Variants in FOCAD observed in about 807,000 individuals in gnomAD.
FOCAD encodes KIAA1797.
Under a neutral mutation model 225.6 loss-of-function variants are expected in FOCAD, and 198 were observed. The observed-to-expected ratio is 0.88, with a 90% confidence interval of 0.78 to 0.99. FOCAD has a LOEUF of 0.99. Ranked by LOEUF, FOCAD falls within the 50% of genes least tolerant of loss-of-function variation. FOCAD has a pLI of 0.00. For missense variants in FOCAD, 2,713 were observed against 2,123.6 expected, an observed-to-expected ratio of 1.28 and a Z score of -5.46; for synonymous variants, 897 against 755.0, an observed-to-expected ratio of 1.19 and a Z score of -3.08.
chr9:20,798,512 C>A (rs1286691427), intron 11 of FOCAD, among the ~76,000 whole-genome samples: 2 of 152,186 alleles, frequency 1.3e-5, no homozygotes, highest in African/African-American at 4.8e-5. Context: ...TTAATTATTT[C>A]CTCAATTTCA....
intron 18 of FOCAD, among the ~76,000 whole-genome samples, chr9:20,868,428 AT>A (rs967498651): frequency 4.0e-5 from 6 of 151,822 alleles, no homozygotes; most frequent in Admixed American, 2.6e-4. Context: ...ACATGCTTAT[AT>A]TTTTTTTCTG....
chr9:20,855,005 A>G (rs527794062), intron 15 of FOCAD, among the ~76,000 whole-genome samples: 1 of 151,950 alleles, frequency 6.6e-6, no homozygotes, highest in African/African-American at 2.4e-5. Context: ...GTTAAACTTG[A>G]ATGTGCTTTA....
At chr9:20,879,810 C>T (rs754798641) in intron 19 of FOCAD, among the ~76,000 whole-genome samples, 3 of 152,142 alleles carry the variant, frequency 2.0e-5, no homozygotes, top group Non-Finnish European at 4.4e-5. Context: ...AATCCCTGGG[C>T]TGGTGTTAGG....
In FOCAD at chr9:20,898,227, A is replaced by T. The variant is rs938190337; in HGVS notation, c.2626-8923A>T. On this transcript the variant is annotated intron_variant, in intron 21 of 43. Coordinates refer to ENST00000338382, the MANE Select transcript of FOCAD (RefSeq NM_001375567.1). Reference sequence around the variant, plus strand: ...AAATACCTATAGGTTTTTGGCATTTATCCTACCTGGTGTTGTCTGAGCCTC... The same window carrying T: ...AAATACCTATAGGTTTTTGGCATTTTTCCTACCTGGTGTTGTCTGAGCCTC... 3.3e-5 allele frequency among the ~76,000 whole-genome samples: 5 copies of T among 151,898 alleles called. No individual in the cohort carries two copies. In the South Asian group the frequency reaches 1.0e-3, roughly 31 times the overall value.
chr9:20,792,722 C>T (rs1338628262), intron 11 of FOCAD, among the ~76,000 whole-genome samples: 1 of 152,124 alleles, frequency 6.6e-6, no homozygotes, highest in Non-Finnish European at 1.5e-5. Context: ...GTGATGTTTT[C>T]AGAGCTTCAA....
intron 24 of FOCAD, among the ~76,000 whole-genome samples, chr9:20,921,065 A>C (rs1271103722): frequency 6.6e-6 from 1 of 152,048 alleles, no homozygotes; most frequent in Non-Finnish European, 1.5e-5. Flanking sequence ...ATCCAAAAAA[A>C]TAAAAAAGAA....
chr9:20,918,369 A>G (rs1834048361), intron 24 of FOCAD, among the ~76,000 whole-genome samples: 1 of 152,194 alleles, frequency 6.6e-6, no homozygotes, highest in South Asian at 2.1e-4. Context: ...TAATACCTAA[A>G]GAAAATATGT....
intron 21 of FOCAD, among the ~76,000 whole-genome samples, chr9:20,902,250 A>G (rs983404742): frequency 4.6e-5 from 7 of 151,948 alleles, no homozygotes; most frequent in African/African-American, 1.2e-4. Context: ...AGAGGCACAT[A>G]TATACTGGAA....
chr9:20,803,922 T>G (rs1338265643), intron 11 of FOCAD, among the ~76,000 whole-genome samples: 3 of 152,160 alleles, frequency 2.0e-5, no homozygotes, highest in Non-Finnish European at 2.9e-5. Flanking sequence ...CTGAGAATTC[T>G]GTCAGTTAAC....
chr9:20,938,467 A>G (rs893919217), intron 28 of FOCAD, among the ~76,000 whole-genome samples: 46 of 152,190 alleles, frequency 3.0e-4, no homozygotes, highest in Non-Finnish European at 5.4e-4. Flanking sequence ...ATTCTCAGCA[A>G]ACTGTCGCAA....
chr9:20,723,481 G>A (rs1019396592), intron 4 of FOCAD, among the ~76,000 whole-genome samples: 13 of 152,332 alleles, frequency 8.5e-5, no homozygotes, highest in Non-Finnish European at 2.9e-5. Context: ...GTGACAGAGC[G>A]AGACTTGGTC....
At chr9:20,753,835 T>C (rs569414248) in intron 5 of FOCAD, among the ~76,000 whole-genome samples, 2 of 150,496 alleles carry the variant, frequency 1.3e-5, no homozygotes, top group Middle Eastern at 3.4e-3. Flanking sequence ...TGTGTTTATT[T>C]TTTCAAAACT....
At chr9:20,803,049 G>A (rs548507075) in intron 11 of FOCAD, among the ~76,000 whole-genome samples, 136 of 151,994 alleles carry the variant, frequency 8.9e-4, no homozygotes, top group African/African-American at 3.1e-3. Flanking sequence ...TAATTATCCT[G>A]GTGACATTTT....
intron 2 of FOCAD, among the ~76,000 whole-genome samples, 191 bp downstream of exon 2, chr9:20,715,601 A>G (rs890279894): frequency 6.6e-6 from 1 of 152,162 alleles, no homozygotes; most frequent in Admixed American, 6.5e-5. Flanking sequence ...TTTGAAATTG[A>G]TCAATCTCAG....
Position 20,926,299 on chromosome 9 carries a change from A to T in FOCAD, c.2962-2A>T, listed in dbSNP as rs1207125582. 2 of 1,534,688 alleles carry T rather than the reference A, an allele frequency of 1.3e-6. No homozygotes were observed. Among genetic ancestry groups the T allele is most frequent in the Non-Finnish European group, 1.8e-6 (2 of 1,108,714 alleles). On this transcript the variant is annotated splice_acceptor_variant, in intron 25 of 43. Coordinates refer to ENST00000338382, the MANE Select transcript of FOCAD (RefSeq NM_001375567.1). LOFTEE classifies it high-confidence loss of function. ...CATTTCATGTTTTTAATTCATCTGC[A>T]GGTTCAACCTAATTTCCTTTCAATG...
chr9:20,889,644 C>A (rs1037415023), intron 21 of FOCAD, among the ~76,000 whole-genome samples: 1 of 152,156 alleles, frequency 6.6e-6, no homozygotes, highest in Admixed American at 6.6e-5. Flanking sequence ...GAATAACTTT[C>A]GCTTTATAAT....
intron 15 of FOCAD, among the ~76,000 whole-genome samples, chr9:20,856,533 G>T (rs188267567): frequency 4.6e-5 from 7 of 151,984 alleles, no homozygotes; most frequent in Non-Finnish European, 1.0e-4. Context: ...CTCTTATTCT[G>T]TGGGTTGTCT....
At position 20,673,618 on chromosome 9, in the gene FOCAD, AG is replaced by A. The variant is rs1822142389; in HGVS notation, c.-78+14795del. On this transcript the variant is annotated intron_variant, in intron 2 of 45. Coordinates refer to the FOCAD transcript ENST00000380249. ...TTAATTATTATTATTTTTTTGAGAC[AG>A]GGTCTCACTCTGTCACCTAGGCTGG... Among the ~76,000 whole-genome samples, 3 of 152,068 alleles carry A rather than the reference AG, an allele frequency of 2.0e-5. No individual in the cohort carries two copies. In the South Asian group the frequency reaches 6.2e-4, roughly 31 times the overall value.
chr9:20,974,804 T>C (rs1395160741), intron 35 of FOCAD, among the ~76,000 whole-genome samples: 7 of 151,238 alleles, frequency 4.6e-5, no homozygotes, highest in African/African-American at 9.8e-5. Context: ...TTCTCCTTTT[T>C]CCTGTGCTTC....
Sources: gnomAD v4.1 joint callset for allele counts (sites outside exome capture counted in the v4.1 genomes callset) on GRCh38, gnomAD v4.1.1 for gene constraint, MANE v1.5 for transcripts, NCBI Gene and HGNC (gene_info 2026-07-23, HGNC 2026-07-21) for gene names.